Variants in TRAPPC3L observed in about 807,000 individuals in gnomAD.
TRAPPC3L encodes the protein trafficking protein particle complex subunit 3L.
In TRAPPC3L, 23 loss-of-function variants were observed where a neutral mutation model predicts 23.7. The ratio of observed to expected loss-of-function variants is 0.97; its 90% confidence interval spans 0.70 to 1.37. The LOEUF is 1.37. Ranked by LOEUF, TRAPPC3L falls within the 40% of genes most tolerant of loss-of-function variation. The pLI, the probability that TRAPPC3L is intolerant of heterozygous loss-of-function variation, is 0.00. For missense variants in TRAPPC3L, 212 were observed against 216.8 expected, an observed-to-expected ratio of 0.98 and a Z score of 0.14; for synonymous variants, 81 against 77.9, an observed-to-expected ratio of 1.04 and a Z score of -0.21.
At position 116,495,813 on chromosome 6, in the gene TRAPPC3L, A is replaced by T. The variant is rs1372123523; in HGVS notation, c.*1141T>A. 4 of 152,158 alleles carry T rather than the reference A, an allele frequency of 2.6e-5. No homozygotes were observed. Among genetic ancestry groups the T allele is most frequent in the African/African-American group, 4.8e-5 (2 of 41,434 alleles). 9.4% of individuals were successfully genotyped at this position (152,158 alleles called of 1,614,324 possible). ...ATACCTGTTTGCCATTTGTATGTGT[A>T]TGTCTTCTTTTGAGAAATGTCTATT... On this transcript the variant is annotated 3_prime_UTR_variant, in exon 5 of 5. Coordinates refer to ENST00000368602, the MANE Select transcript of TRAPPC3L (RefSeq NM_001139444.3).
At chr6:116,528,303 A>C (rs1772510213) in intron 3 of TRAPPC3L, among the ~76,000 whole-genome samples, 1 of 152,236 alleles carries the variant, frequency 6.6e-6, no homozygotes, top group Non-Finnish European at 1.5e-5. Flanking sequence ...CAGTCTCAAA[A>C]TCCACAAAGC....
chr6:116,522,014 G>C (rs981765126), intron 3 of TRAPPC3L: 1 of 152,052 alleles, frequency 6.6e-6, no homozygotes, highest in African/African-American at 2.4e-5. Flanking sequence ...AGTGGGAGGA[G>C]AGAGAGAGAG....
Position 116,540,456 on chromosome 6 carries a change from G to T in TRAPPC3L, c.147C>A (p.Tyr49Ter), listed in dbSNP as rs1336471306. The stretch of plus-strand genomic sequence containing the variant: ...CTTCCACAAGCCGCGTTCCAATGCC[G>T]TAACCCCTGTGGATGACGGAAAGAG... ...DVNQYLDKMG[Y>*]GIGTRLVEDF... The change falls in exon 3 of 5, where the codon TAC becomes TAA. Residue 49 changes from tyrosine to a stop codon, truncating the protein, a stop_gained. Coordinates refer to ENST00000368602, the MANE Select transcript of TRAPPC3L (RefSeq NM_001139444.3). LOFTEE classifies it high-confidence loss of function. 4 of 1,551,170 alleles carry T rather than the reference G, an allele frequency of 2.6e-6. No homozygotes were observed. The Admixed American group carries it at 7.8e-5, about 30-fold the overall frequency.
Position 116,540,416 on chromosome 6 carries a change from A to T in TRAPPC3L, c.187T>A (p.Ser63Thr). ...TRLVEDFLAR[S>T]CVGRCHSYSE... ...TAACTATGGCATCTTCCCACGCAGG[A>T]TCGAGCCAAAAAGTCTTCCACAAGC... Residue 63 changes from serine to threonine, a missense_variant, in exon 3 of 5, where the codon TCC (serine) becomes ACC (threonine). Coordinates refer to ENST00000368602, the MANE Select transcript of TRAPPC3L (RefSeq NM_001139444.3). 6.4e-7 allele frequency: 1 copy of T among 1,551,406 alleles called. No homozygotes were observed. Among genetic ancestry groups the T allele is most frequent in the South Asian group, 1.2e-5 (1 of 84,062 alleles).
intron 3 of TRAPPC3L, among the ~76,000 whole-genome samples, chr6:116,511,059 A>G (rs1772105922): frequency 6.7e-6 from 1 of 150,230 alleles, no homozygotes; most frequent in Non-Finnish European, 1.5e-5. Context: ...CATATTGGGT[A>G]CACATACATA....
chr6:116,515,707 G>T (rs1250000467), intron 3 of TRAPPC3L: 13 of 1,613,944 alleles, frequency 8.1e-6, no homozygotes, highest in Non-Finnish European at 9.3e-6. Flanking sequence ...GTTTTTGGAA[G>T]ACATATGCAC....
intron 3 of TRAPPC3L, among the ~76,000 whole-genome samples, chr6:116,502,125 G>GA (rs1229415136): frequency 6.6e-6 from 1 of 152,124 alleles, no homozygotes; most frequent in African/African-American, 2.4e-5. Flanking sequence ...TAAAAACCTT[G>GA]AAAAAAGGTT....
intron 3 of TRAPPC3L, chr6:116,515,924 C>A: frequency 6.2e-7 from 1 of 1,613,668 alleles, no homozygotes. Context: ...GGACAATGGT[C>A]TGCAACTTAG....
intron 3 of TRAPPC3L, among the ~76,000 whole-genome samples, chr6:116,501,227 G>A (rs1771907990): frequency 6.6e-6 from 1 of 152,222 alleles, no homozygotes; most frequent in Non-Finnish European, 1.5e-5. Flanking sequence ...CCACGCCCAT[G>A]GAGCCTTGCT....
intron 3 of TRAPPC3L, among the ~76,000 whole-genome samples, chr6:116,503,944 A>G (rs1188903742): frequency 1.3e-5 from 2 of 152,214 alleles, no homozygotes; most frequent in Non-Finnish European, 2.9e-5. Context: ...TTAACACCCT[A>G]ACATCACAAT....
intron 3 of TRAPPC3L, among the ~76,000 whole-genome samples, chr6:116,514,699 C>A (rs1383584412): frequency 6.6e-6 from 1 of 152,168 alleles, no homozygotes; most frequent in African/African-American, 2.4e-5. Flanking sequence ...CACTCTATAT[C>A]TGAGTCAAAG....
intron 3 of TRAPPC3L, among the ~76,000 whole-genome samples, chr6:116,506,017 C>T (rs200846687): frequency 8.6e-5 from 13 of 152,020 alleles, no homozygotes; most frequent in South Asian, 4.1e-4. Context: ...AATAAACAAA[C>T]GGGATCTAAT....
intron 3 of TRAPPC3L, among the ~76,000 whole-genome samples, chr6:116,508,150 C>T (rs765810792): frequency 6.6e-6 from 1 of 152,182 alleles, no homozygotes; most frequent in Admixed American, 6.5e-5. Flanking sequence ...ATCAGAAGGA[C>T]TAGGAGATTC....
chr6:116,504,342 A>C (rs1055487860), intron 3 of TRAPPC3L, among the ~76,000 whole-genome samples: 13 of 152,224 alleles, frequency 8.5e-5, no homozygotes, highest in African/African-American at 3.1e-4. Context: ...AAGCAGTTGA[A>C]TCTCTGAATA....
At chr6:116,544,657 T>C (rs918388212) in intron 1 of TRAPPC3L, among the ~76,000 whole-genome samples, 9 of 152,146 alleles carry the variant, frequency 5.9e-5, no homozygotes, top group African/African-American at 2.2e-4. Context: ...CGGTATAATA[T>C]GAACTATGTA....
At chr6:116,514,346 GC>G (rs2115166979) in intron 3 of TRAPPC3L, among the ~76,000 whole-genome samples, 1 of 152,296 alleles carries the variant, frequency 6.6e-6, no homozygotes, top group East Asian at 1.9e-4. Flanking sequence ...ATATAAGGTA[GC>G]CAACCACAAT....
At chr6:116,543,088 A>G (rs1346191244) in intron 2 of TRAPPC3L, among the ~76,000 whole-genome samples, 1 of 152,170 alleles carries the variant, frequency 6.6e-6, no homozygotes, top group African/African-American at 2.4e-5. Flanking sequence ...AAAACATCCC[A>G]CACTTGATAT....
rs546403733 is a variant in TRAPPC3L at position 116,509,456 on chromosome 6, G to C, written c.241-8790C>G. ...CCTGACTTCAAATTATACTACAAAG[G>C]TATAGTTATCAAAACAGCATAGCAC... On this transcript the variant is annotated intron_variant, in intron 3 of 4. Coordinates refer to ENST00000368602, the MANE Select transcript of TRAPPC3L (RefSeq NM_001139444.3). Among the ~76,000 whole-genome samples the C allele has an allele frequency of 3.3e-5, 5 of 152,140 alleles. No homozygotes were observed. The South Asian group carries it at 1.0e-3, about 32-fold the overall frequency.
intron 3 of TRAPPC3L, among the ~76,000 whole-genome samples, chr6:116,505,964 A>T (rs999891683): frequency 6.6e-6 from 1 of 152,234 alleles, no homozygotes; most frequent in Non-Finnish European, 1.5e-5. Flanking sequence ...ATGGGCAAAG[A>T]CTTCATGACT....
Sources: allele counts gnomAD v4.1 joint callset (sites outside exome capture counted in the v4.1 genomes callset), GRCh38; gene constraint gnomAD v4.1.1; transcripts MANE v1.5; gene names NCBI Gene and HGNC (gene_info 2026-07-23, HGNC 2026-07-21).